Variants in NTNG1 observed in about 807,000 individuals in gnomAD.
NTNG1 encodes netrin G1, also known as netrin-G1.
A neutral mutation model predicts 54.0 loss-of-function variants in NTNG1; 16 were observed. That is an observed-to-expected ratio of 0.30 (90% CI 0.20 to 0.45). The LOEUF (loss-of-function observed/expected upper bound fraction) is 0.45, where lower values mean the gene tolerates loss of function less well. NTNG1 is among the 20% of genes least tolerant of loss of function. The pLI, the probability that NTNG1 is intolerant of heterozygous loss-of-function variation, is 1.00. For missense variants in NTNG1, 530 were observed against 678.7 expected (o/e 0.78, Z 2.43); for synonymous variants, 255 against 263.1 (o/e 0.97, Z 0.30).
intron 2 of NTNG1, among the ~76,000 whole-genome samples, chr1:107,192,081 G>T (rs564677547): frequency 6.6e-6 from 1 of 152,174 alleles, no homozygotes; most frequent in South Asian, 2.1e-4. Context: ...TCTTCCATTT[G>T]TTTGTATCCT....
At chr1:107,232,100 G>A (rs1174918376) in intron 2 of NTNG1, among the ~76,000 whole-genome samples, 2 of 152,100 alleles carry the variant, frequency 1.3e-5, no homozygotes, top group East Asian at 1.9e-4. Flanking sequence ...ATTGTCTTAA[G>A]TCAAGGTGAA....
At chr1:107,203,584 G>A (rs1448862413) in intron 2 of NTNG1, among the ~76,000 whole-genome samples, 2 of 151,122 alleles carry the variant, frequency 1.3e-5, no homozygotes, top group Non-Finnish European at 3.0e-5. Flanking sequence ...CTGTGTGTGT[G>A]TGTGTGTATA....
chr1:107,328,603 A>C (rs1467177450), intron 3 of NTNG1, among the ~76,000 whole-genome samples: 1 of 152,126 alleles, frequency 6.6e-6, no homozygotes, highest in Non-Finnish European at 1.5e-5. Flanking sequence ...ATAATGTCCA[A>C]AATGTTTTCT....
intron 2 of NTNG1, among the ~76,000 whole-genome samples, chr1:107,319,723 C>G (rs1347470275): frequency 1.3e-5 from 2 of 152,058 alleles, no homozygotes; most frequent in Non-Finnish European, 2.9e-5. Flanking sequence ...ATGTAGCTTA[C>G]AGTTCAGTGG....
chr1:107,361,392 T>TA (rs1553232702), intron 3 of NTNG1, among the ~76,000 whole-genome samples: 4,907 of 22,676 alleles, frequency 0.22, 230 homozygotes, highest in African/African-American at 0.28. Flanking sequence ...TATATATATA[T>TA]TTTTTTTTTT....
At chr1:107,259,057 A>G (rs1047779692) in intron 2 of NTNG1, among the ~76,000 whole-genome samples, 3 of 152,234 alleles carry the variant, frequency 2.0e-5, no homozygotes, top group Non-Finnish European at 4.4e-5. Context: ...TTGATTGATA[A>G]TAGAGGCAGG....
intron 2 of NTNG1, among the ~76,000 whole-genome samples, chr1:107,322,049 C>G (rs951021936): frequency 1.3e-5 from 2 of 152,112 alleles, no homozygotes; most frequent in Admixed American, 6.6e-5. Flanking sequence ...TGGTTATTGC[C>G]AAGACTTTAT....
chr1:107,440,299 G>T (rs1329651627), intron 7 of NTNG1, among the ~76,000 whole-genome samples: 1 of 152,126 alleles, frequency 6.6e-6, no homozygotes, highest in East Asian at 1.9e-4. Context: ...AAGGGATTCA[G>T]TAACTGACAG....
At chr1:107,429,343 C>A (rs941033021) in intron 5 of NTNG1, among the ~76,000 whole-genome samples, 1 of 152,016 alleles carries the variant, frequency 6.6e-6, no homozygotes, top group Admixed American at 6.6e-5. Flanking sequence ...TGAGTGGTAG[C>A]ATATTAATTT....
chr1:107,196,312 C>A (rs988417336), intron 2 of NTNG1, among the ~76,000 whole-genome samples: 1 of 151,966 alleles, frequency 6.6e-6, no homozygotes, highest in Non-Finnish European at 1.5e-5. Flanking sequence ...GCTCCCTCCC[C>A]ACAAAACCCC....
intron 3 of NTNG1, among the ~76,000 whole-genome samples, chr1:107,374,569 T>G (rs1274063967): frequency 6.6e-6 from 1 of 152,106 alleles, no homozygotes; most frequent in African/African-American, 2.4e-5. Context: ...AATTTGGGTC[T>G]TTTAAAAATA....
intron 2 of NTNG1, among the ~76,000 whole-genome samples, chr1:107,271,961 A>G (rs967104499): frequency 6.6e-6 from 1 of 152,204 alleles, no homozygotes; most frequent in Non-Finnish European, 1.5e-5. Flanking sequence ...TTCTAAAAAC[A>G]ATGATTCAGA....
chr1:107,270,938 A>G (rs1664105528), intron 2 of NTNG1, among the ~76,000 whole-genome samples: 1 of 152,134 alleles, frequency 6.6e-6, no homozygotes. Context: ...TTCTGATGAT[A>G]AAGGAATTAG....
intron 4 of NTNG1, among the ~76,000 whole-genome samples, chr1:107,396,842 G>A (rs754403577): frequency 1.3e-5 from 2 of 152,158 alleles, no homozygotes; most frequent in Non-Finnish European, 2.9e-5. Context: ...TGTCCTCAGG[G>A]CAGGTCAGCT....
intron 2 of NTNG1, among the ~76,000 whole-genome samples, chr1:107,214,627 G>T (rs184792141): frequency 1.1e-4 from 17 of 152,218 alleles, no homozygotes; most frequent in Admixed American, 6.5e-4. Context: ...TTTCCTCTGG[G>T]TGGATACCCA....
At chr1:107,475,236 G>C (rs930220798) in intron 7 of NTNG1, among the ~76,000 whole-genome samples, 1 of 152,166 alleles carries the variant, frequency 6.6e-6, no homozygotes, top group East Asian at 1.9e-4. Flanking sequence ...GAGGAGCATG[G>C]AATGTGGCAC....
chr1:107,187,700 C>T (rs1054411535), intron 2 of NTNG1, among the ~76,000 whole-genome samples: 2 of 152,120 alleles, frequency 1.3e-5, no homozygotes, highest in African/African-American at 2.4e-5. Context: ...TACTAAATAT[C>T]GCTACAACAA....
chr1:107,435,777 T>G (rs1675557229), intron 6 of NTNG1, among the ~76,000 whole-genome samples: 1 of 152,024 alleles, frequency 6.6e-6, no homozygotes, highest in Non-Finnish European at 1.5e-5. Context: ...ATTAGAAGAG[T>G]AATGAGGAAA....
At chr1:107,164,977 C>T (rs534630276) in intron 2 of NTNG1, among the ~76,000 whole-genome samples, 34 of 152,172 alleles carry the variant, frequency 2.2e-4, no homozygotes, top group South Asian at 2.1e-4. Flanking sequence ...AAGCTAATTC[C>T]GATTGGCTAT....
Sources: allele counts gnomAD v4.1 joint callset (sites outside exome capture counted in the v4.1 genomes callset), GRCh38; gene constraint gnomAD v4.1.1; transcripts MANE v1.5; gene names NCBI Gene and HGNC (gene_info 2026-07-23, HGNC 2026-07-21).